The following USP7 variants were observed in gnomAD, a reference collection of about 807,000 sequenced individuals.
USP7 encodes ubiquitin specific peptidase 7, also known as ubiquitin C-terminal hydrolase 7.
Under a neutral mutation model 162.9 loss-of-function variants are expected in USP7, and 9 were observed. The observed-to-expected ratio is 0.06, with a 90% CI of 0.03 to 0.10. The LOEUF is 0.10. USP7 is among the 10% of genes least tolerant of loss of function. The pLI is 1.00. For synonymous variants in USP7, 562 were observed against 475.9 expected (o/e 1.18, Z -2.35); for missense variants, 715 against 1,373.7 (o/e 0.52, Z 7.58).
intron 13 of USP7, among the ~76,000 whole-genome samples, 173 bp from the exon 14 acceptor site, chr16:8,905,504 C>A (rs567737464): frequency 3.9e-4 from 59 of 152,222 alleles, no homozygotes; most frequent in Non-Finnish European, 8.1e-4. Context: ...AGGCAGGCAG[C>A]GCCTCAGGCA....
intron 10 of USP7, among the ~76,000 whole-genome samples, 165 bp from the exon 11 acceptor site, chr16:8,910,992 T>C (rs2061937963): frequency 6.6e-6 from 1 of 152,260 alleles, no homozygotes; most frequent in Non-Finnish European, 1.5e-5. Context: ...AATGTGCTGT[T>C]AGCACCTTTG....
At chr16:8,897,164 A>G (rs2061694667) in intron 25 of USP7, 65 bp from the exon 26 acceptor site, 1 of 1,262,148 alleles carries the variant, frequency 7.9e-7, no homozygotes, top group East Asian at 2.3e-5. Context: ...ACCACAAAGG[A>G]AGAGAGGAGA....
chr16:8,914,431 C>T (rs1330058758), intron 10 of USP7, among the ~76,000 whole-genome samples: 1 of 150,718 alleles, frequency 6.6e-6, no homozygotes, highest in Non-Finnish European at 1.5e-5. Flanking sequence ...CAAATGCAAA[C>T]AGGCATTAAG....
intron 2 of USP7, among the ~76,000 whole-genome samples, chr16:8,928,489 C>T (rs1280312606): frequency 1.3e-5 from 2 of 152,198 alleles, no homozygotes; most frequent in Admixed American, 6.5e-5. Flanking sequence ...ATCCAACTTC[C>T]TAGAATCCTG....
intron 6 of USP7, among the ~76,000 whole-genome samples, chr16:8,917,855 T>C (rs1015899317): frequency 1.3e-5 from 2 of 151,524 alleles, no homozygotes; most frequent in African/African-American, 4.9e-5. Context: ...AGTGGCGTGA[T>C]CTTGGCTCAC....
chr16:8,914,325 T>TA (rs2061996079), intron 10 of USP7, among the ~76,000 whole-genome samples: 1 of 151,936 alleles, frequency 6.6e-6, no homozygotes, highest in African/African-American at 2.4e-5. Context: ...ACCTTCCTGA[T>TA]GACTGTGCAA....
chr16:8,893,889 G>T lies in USP7; in HGVS notation c.*109C>A. On this transcript the variant is annotated 3_prime_UTR_variant, in exon 31 of 31. Coordinates refer to ENST00000344836, the MANE Select transcript of USP7 (RefSeq NM_003470.3). ...CAATAAAATAAAATTAACACCAGCA[G>T]CGAATCCTCTTGCTGAAGACTTCGG... 2 of 946,290 alleles carry T rather than the reference G, an allele frequency of 2.1e-6. No individual in the cohort carries two copies. The highest frequency in any genetic ancestry group is 1.4e-5 in the South Asian group (1 of 72,690). 58.6% of individuals were successfully genotyped at this position (946,290 alleles called of 1,614,324 possible).
At chr16:8,923,776 C>A (rs1000072500) in intron 2 of USP7, among the ~76,000 whole-genome samples, 2 of 152,144 alleles carry the variant, frequency 1.3e-5, no homozygotes, top group African/African-American at 4.8e-5. Flanking sequence ...CATATCTGTT[C>A]AAGGACGGGA....
intron 2 of USP7, among the ~76,000 whole-genome samples, chr16:8,925,555 T>C (rs1004588452): frequency 2.0e-5 from 3 of 152,194 alleles, no homozygotes; most frequent in Admixed American, 1.3e-4. Flanking sequence ...AGGTACTCCT[T>C]AAACATTAAA....
At chr16:8,925,911 T>C (rs1430809551) in intron 2 of USP7, among the ~76,000 whole-genome samples, 1 of 152,126 alleles carries the variant, frequency 6.6e-6, no homozygotes, top group African/African-American at 2.4e-5. Context: ...TCACAGCACT[T>C]TGGGAGGCAG....
At chr16:8,907,058 G>C (rs1249272402) in intron 12 of USP7, among the ~76,000 whole-genome samples, 1 of 152,200 alleles carries the variant, frequency 6.6e-6, no homozygotes, top group African/African-American at 2.4e-5. Flanking sequence ...AGGCAAGTTA[G>C]ACGGGTGGGG....
chr16:8,930,657 C>G (rs953161259), intron 1 of USP7, among the ~76,000 whole-genome samples: 19 of 152,140 alleles, frequency 1.2e-4, no homozygotes, highest in African/African-American at 4.6e-4. Context: ...ATATTCTGCA[C>G]AAAACTTTTT....
At chr16:8,958,754 T>C (rs1899900021) in intron 1 of USP7, among the ~76,000 whole-genome samples, 1 of 152,254 alleles carries the variant, frequency 6.6e-6, no homozygotes. Context: ...GCCACCAGGC[T>C]GACTACAGCA....
intron 12 of USP7, 107 bp from the exon 13 acceptor site, chr16:8,906,689 A>C (rs2061865907): frequency 1.7e-6 from 2 of 1,171,134 alleles, no homozygotes; most frequent in Admixed American, 5.1e-5. Context: ...TTAATAGGAT[A>C]AGCATGAATT....
intron 5 of USP7, among the ~76,000 whole-genome samples, chr16:8,920,045 T>A (rs574685149): frequency 6.6e-6 from 1 of 152,198 alleles, no homozygotes; most frequent in Non-Finnish European, 1.5e-5. Context: ...CAACGGAGCA[T>A]CTCTGCTCTG....
intron 1 of USP7, chr16:8,962,622 C>A (rs777179326): frequency 2.3e-5 from 7 of 301,220 alleles, no homozygotes; most frequent in Non-Finnish European, 7.0e-6. Context: ...CGGAAACCAA[C>A]AGCGCCCGGG....
At chr16:8,924,019 G>T (rs1460154207) in intron 2 of USP7, among the ~76,000 whole-genome samples, 1 of 151,238 alleles carries the variant, frequency 6.6e-6, no homozygotes, top group Non-Finnish European at 1.5e-5. Flanking sequence ...TTTTTTTTAA[G>T]AACTGGTATT....
At chr16:8,906,917 A>C (rs2061869347) in intron 12 of USP7, among the ~76,000 whole-genome samples, 3 of 152,226 alleles carry the variant, frequency 2.0e-5, no homozygotes, top group Admixed American at 6.5e-5. Context: ...AATATTTCCC[A>C]CTCTGAATAT....
chr16:8,915,382 T>C (rs753964068), intron 9 of USP7, 38 bp from the exon 10 acceptor site: 236 of 1,612,866 alleles, frequency 1.5e-4, no homozygotes, highest in Admixed American at 3.0e-4. Context: ...TAACTAGTAA[T>C]AGTCAAAAAA....
Sources: allele counts gnomAD v4.1 joint callset (sites outside exome capture counted in the v4.1 genomes callset), GRCh38; gene constraint gnomAD v4.1.1; transcripts MANE v1.5; gene names NCBI Gene and HGNC (gene_info 2026-07-23, HGNC 2026-07-21).